Variants in ABHD2 observed in about 807,000 individuals in gnomAD.
ABHD2 encodes monoacylglycerol lipase ABHD2.
A neutral mutation model predicts 48.1 loss-of-function variants in ABHD2; 20 were observed. The ratio of observed to expected loss-of-function variants is 0.42; its 90% CI spans 0.29 to 0.60. ABHD2 has a LOEUF of 0.60. Ranked by LOEUF, ABHD2 falls within the 20% of genes least tolerant of loss-of-function variation. The pLI is 0.24. For synonymous variants in ABHD2, 209 were observed against 214.2 expected, an observed-to-expected ratio of 0.98 and a Z score of 0.21; for missense variants, 405 against 550.9, an observed-to-expected ratio of 0.74 and a Z score of 2.65.
intron 3 of ABHD2, among the ~76,000 whole-genome samples, chr15:89,117,986 A>G (rs1004897850): frequency 1.3e-5 from 2 of 152,192 alleles, no homozygotes; most frequent in African/African-American, 2.4e-5. Context: ...TATAAATGTC[A>G]TCATACTGAA....
intron 3 of ABHD2, among the ~76,000 whole-genome samples, chr15:89,127,391 C>T (rs908163234): frequency 2.6e-5 from 4 of 151,960 alleles, no homozygotes; most frequent in Admixed American, 6.6e-5. Context: ...CTGTAGCCTC[C>T]CAGGAAGGGA....
Position 89,185,962 on chromosome 15 carries a change from GTCT to G in ABHD2, c.815+447_815+449del, listed in dbSNP as rs1438933004. ...AGCCTGGGTGACAGAGCGAGACCCT[GTCT>G]GAAAAAAAAGAAAAGAAACCTGTCC... On this transcript the variant is annotated intron_variant, in intron 7 of 10. Transcript: ENST00000352732. This position sits in a 1 kb window ranked among gnomAD's most constrained non-coding sequence, Gnocchi z 5.9. 6.6e-6 allele frequency among the ~76,000 whole-genome samples: 1 copy of G among 152,136 alleles called. No individual in the cohort carries two copies. The highest frequency in any genetic ancestry group is 1.5e-5 in the Non-Finnish European group (1 of 68,018).
At chr15:89,078,777 C>A in the ABHD2 span, among the ~76,000 whole-genome samples, 1 of 149,236 alleles carries the variant, frequency 6.7e-6, no homozygotes, top group Admixed American at 6.7e-5. Flanking sequence ...GTCATCCAGG[C>A]TGGAGTGCAG....
rs1251659013 is a variant in ABHD2, at chr15:89,146,053, G to A, written c.195-5624G>A. Among the ~76,000 whole-genome samples, 1 of 152,136 alleles carries A rather than the reference G, an allele frequency of 6.6e-6. No homozygotes were observed. Among genetic ancestry groups the A allele is most frequent in the East Asian group, 1.9e-4 (1 of 5,196 alleles). On this transcript the variant is annotated intron_variant, in intron 3 of 10. Coordinates refer to ENST00000352732, the MANE Select transcript of ABHD2 (RefSeq NM_152924.5). This position sits in a 1 kb window ranked among gnomAD's most constrained non-coding sequence, Gnocchi z 4.2. Reference sequence around the variant, plus strand: ...CACTGGAAAGGACTTGCTGCAACTTGCTGAGATGTGAGGACTCAATCTCAG... The same window carrying A: ...CACTGGAAAGGACTTGCTGCAACTTACTGAGATGTGAGGACTCAATCTCAG...
the ABHD2 span, among the ~76,000 whole-genome samples, chr15:89,057,162 C>T: frequency 1.3e-5 from 2 of 152,106 alleles, no homozygotes; most frequent in African/African-American, 2.4e-5. Context: ...GATCCGCCTG[C>T]GTCAGCCTCC....
At chr15:89,194,359 C>T (rs768853387) in intron 10 of ABHD2, among the ~76,000 whole-genome samples, 3 of 151,698 alleles carry the variant, frequency 2.0e-5, no homozygotes, top group African/African-American at 4.8e-5. Flanking sequence ...ATTAGCCAGG[C>T]GTGGTGGTAC....
In ABHD2 at chr15:89,196,305, G is replaced by A. The variant is rs1445288676; in HGVS notation, c.*882G>A. ...ATGGAGCTGCCGTCGTGTGACCACA[G>A]TGTGATGTCTCAGAAGGGCTCTGGG... On this transcript the variant is annotated 3_prime_UTR_variant, in exon 11 of 11. Coordinates refer to ENST00000352732, the MANE Select transcript of ABHD2 (RefSeq NM_152924.5). The A allele has an allele frequency of 6.6e-6, 1 of 152,252 alleles. No homozygotes were observed. Among genetic ancestry groups the A allele is most frequent in the African/African-American group, 2.4e-5 (1 of 41,452 alleles). The allele number at this position is 152,252 out of a possible 1,614,324, so 9.4% of individuals were successfully genotyped here. A position where few individuals can be genotyped will look rare whatever the true frequency, so the allele number is the denominator to read the frequency against.
chr15:89,149,537 G>A (rs1188668641), intron 3 of ABHD2, among the ~76,000 whole-genome samples: 1 of 152,172 alleles, frequency 6.6e-6, no homozygotes, highest in Non-Finnish European at 1.5e-5. Flanking sequence ...CTTGAAAACA[G>A]CATCTAAAGT....
upstream of ABHD2, among the ~76,000 whole-genome samples, chr15:89,085,837 C>T (rs1901336875): frequency 6.6e-6 from 1 of 152,200 alleles, no homozygotes; most frequent in South Asian, 2.1e-4. This position sits in a 1 kb window ranked among gnomAD's most constrained non-coding sequence, Gnocchi z 4.2. Context: ...CCTAACAAGA[C>T]ATCTCACTTT....
At chr15:89,086,368 T>A (rs1426382566), upstream of ABHD2, among the ~76,000 whole-genome samples, 1 of 152,204 alleles carries the variant, frequency 6.6e-6, no homozygotes, top group African/African-American at 2.4e-5. Flanking sequence ...ACAAAATTTG[T>A]ATATATTTAT....
chr15:89,127,732 T>TATATATATAC (rs2050157845), intron 3 of ABHD2, among the ~76,000 whole-genome samples: 1 of 145,046 alleles, frequency 6.9e-6, no homozygotes, highest in African/African-American at 2.6e-5. Flanking sequence ...CATATATATA[T>TATATATATAC]ATATATATGT....
the ABHD2 span, among the ~76,000 whole-genome samples, chr15:89,077,141 T>C: frequency 6.6e-6 from 1 of 152,156 alleles, no homozygotes; most frequent in Admixed American, 6.5e-5. Flanking sequence ...AAGAACCCCC[T>C]CTCAGGCCCT....
At chr15:89,133,436 T>C (rs1021942452) in intron 3 of ABHD2, among the ~76,000 whole-genome samples, 2 of 152,188 alleles carry the variant, frequency 1.3e-5, no homozygotes, top group Non-Finnish European at 2.9e-5. Flanking sequence ...GGGATGTGCA[T>C]GGAAAATTTT....
chr15:89,194,606 C>G (rs904716194), intron 10 of ABHD2, among the ~76,000 whole-genome samples: 1 of 152,130 alleles, frequency 6.6e-6, no homozygotes, highest in African/African-American at 2.4e-5. Context: ...CCATTGAATT[C>G]TCCTCGTTCT....
chr15:89,158,809 C>T (rs527282420), intron 5 of ABHD2, among the ~76,000 whole-genome samples: 1 of 151,908 alleles, frequency 6.6e-6, no homozygotes, highest in East Asian at 1.9e-4. Context: ...ACCTCCCAGA[C>T]TCAAGCCAGC....
At chr15:89,127,352 C>T (rs1024061080) in intron 3 of ABHD2, among the ~76,000 whole-genome samples, 7 of 152,104 alleles carry the variant, frequency 4.6e-5, no homozygotes, top group African/African-American at 1.7e-4. Flanking sequence ...GGAACCCTGC[C>T]TGGAGATCAG....
the ABHD2 span, among the ~76,000 whole-genome samples, chr15:89,045,061 C>T: frequency 6.6e-6 from 1 of 152,090 alleles, no homozygotes; most frequent in African/African-American, 2.4e-5. Flanking sequence ...GTCTTTAATC[C>T]ACCTTGAATT....
chr15:89,166,421 A>G lies in ABHD2; in HGVS notation c.539-9391A>G, dbSNP rs1480717259. ...GTGAGGAAGTACGTGAAATCACAGC[A>G]TTGAATTCTCTTGCTGGGAGGAGGA... is the stretch of plus-strand genomic sequence containing the variant. On this transcript the variant is annotated intron_variant, in intron 5 of 10. Coordinates refer to ENST00000352732, the MANE Select transcript of ABHD2 (RefSeq NM_152924.5). This position sits in a 1 kb window ranked among gnomAD's most constrained non-coding sequence, Gnocchi z 4.6. Among the ~76,000 whole-genome samples the G allele has an allele frequency of 6.6e-6, 1 of 152,224 alleles. No individual in the cohort carries two copies. The highest frequency in any genetic ancestry group is 1.5e-5 in the Non-Finnish European group (1 of 68,026).
In ABHD2 at chr15:89,185,120, G is replaced by A. The variant is rs1378668092; in HGVS notation, c.723-304G>A. ...TTGAAGCAGACTTTGGTCCTGGCAG[G>A]CTCAGTGACTAAGAGAAGGTCCAGG... On this transcript the variant is annotated intron_variant, in intron 6 of 10. Transcript: ENST00000352732. The surrounding 1 kb of genome is among the most constrained non-coding windows in gnomAD (Gnocchi z 5.9). Among the ~76,000 whole-genome samples the A allele has an allele frequency of 1.3e-5, 2 of 152,320 alleles. No individual in the cohort carries two copies. The highest frequency in any genetic ancestry group is 4.8e-5 in the African/African-American group (2 of 41,568).
Sources: gnomAD v4.1 joint callset for allele counts (sites outside exome capture counted in the v4.1 genomes callset) on GRCh38, gnomAD v4.1.1 for gene constraint, Gnocchi (gnomAD v3.1) non-coding constraint, MANE v1.5 for transcripts, NCBI Gene and HGNC (gene_info 2026-07-23, HGNC 2026-07-21) for gene names.